ARSJ: variants seen among roughly 807,000 people sequenced by gnomAD.
ARSJ encodes the protein arylsulfatase family member J, also known as arylsulfatase J.
A neutral mutation model predicts 35.9 loss-of-function variants in ARSJ; 26 were observed. The ratio of observed to expected loss-of-function variants is 0.72; its 90% CI spans 0.53 to 1.00. The LOEUF is 1.00. Ranked by LOEUF, ARSJ falls within the 50% of genes least tolerant of loss-of-function variation. ARSJ has a pLI of 0.00. For synonymous variants in ARSJ, 294 were observed against 267.6 expected (o/e 1.10, Z -0.96); for missense variants, 667 against 723.6 (o/e 0.92, Z 0.90).
rs2099667263 is a variant in ARSJ at position 113,902,098 on chromosome 4, G to A, written c.*176C>T. The A allele has an allele frequency of 6.3e-7, 1 of 1,578,916 alleles. No individual in the cohort carries two copies. Among genetic ancestry groups the A allele is most frequent in the Non-Finnish European group, 8.6e-7 (1 of 1,169,080 alleles). On this transcript the variant is annotated 3_prime_UTR_variant, in exon 2 of 2. Coordinates refer to ENST00000315366, the MANE Select transcript of ARSJ (RefSeq NM_024590.4). The stretch of plus-strand genomic sequence containing the variant: ...TGCAAGAGTAGCACCTTGGCACTGA[G>A]CAGGACAGTTTTCAGTGTGGCGGCC...
chr4:113,928,561 C>T (rs1009732198), intron 1 of ARSJ, among the ~76,000 whole-genome samples: 3 of 152,184 alleles, frequency 2.0e-5, no homozygotes, highest in African/African-American at 7.2e-5. Context: ...TAGAGGTCTA[C>T]ATGAGTCAGG....
chr4:113,933,943 G>C (rs939890629), intron 1 of ARSJ, among the ~76,000 whole-genome samples: 2 of 151,774 alleles, frequency 1.3e-5, no homozygotes, highest in Admixed American at 6.6e-5. Context: ...CAAAAAAGAA[G>C]TCAAGTTCAC....
chr4:113,963,766 T>G (rs1158749950), intron 1 of ARSJ, among the ~76,000 whole-genome samples: 1 of 152,102 alleles, frequency 6.6e-6, no homozygotes, highest in Non-Finnish European at 1.5e-5. Context: ...TAATGAATGA[T>G]TAGCTGGTAG....
At chr4:113,910,862 G>A (rs1488085703) in intron 1 of ARSJ, among the ~76,000 whole-genome samples, 4 of 152,100 alleles carry the variant, frequency 2.6e-5, no homozygotes, top group South Asian at 2.1e-4. Context: ...AGCCATTAGA[G>A]GATTATTATG....
intron 1 of ARSJ, among the ~76,000 whole-genome samples, chr4:113,917,402 A>G (rs1358986562): frequency 2.0e-5 from 3 of 152,224 alleles, no homozygotes; most frequent in Admixed American, 6.5e-5. Flanking sequence ...GATACAAGAC[A>G]CAGATTCTGA....
At chr4:113,978,376 G>C in intron 1 of ARSJ, 61 bp downstream of exon 1, 1 of 1,451,020 alleles carries the variant, frequency 6.9e-7, no homozygotes, top group Non-Finnish European at 9.3e-7. Context: ...TTTGGAGCTG[G>C]ATCTTCATTA....
At chr4:113,914,166 G>T (rs1723127517) in intron 1 of ARSJ, among the ~76,000 whole-genome samples, 1 of 151,914 alleles carries the variant, frequency 6.6e-6, no homozygotes. Context: ...TACAGACCGG[G>T]TTTCACTATG....
chr4:113,919,504 G>A (rs1245383675), intron 1 of ARSJ, among the ~76,000 whole-genome samples: 1 of 152,174 alleles, frequency 6.6e-6, no homozygotes, highest in Non-Finnish European at 1.5e-5. Flanking sequence ...AACTGTTATT[G>A]TTGATATTGT....
At chr4:113,916,628 A>G (rs1723321479) in intron 1 of ARSJ, among the ~76,000 whole-genome samples, 1 of 152,148 alleles carries the variant, frequency 6.6e-6, no homozygotes, top group South Asian at 2.1e-4. Context: ...AAACCAAAGC[A>G]AAACATGATA....
chr4:113,978,198 GA>G (rs1359590183), intron 1 of ARSJ, among the ~76,000 whole-genome samples: 1 of 152,172 alleles, frequency 6.6e-6, no homozygotes, highest in Non-Finnish European at 1.5e-5. Context: ...ATCTCATTTA[GA>G]AACTTATAAT....
Position 113,972,324 on chromosome 4 carries a change from C to CT in ARSJ, c.398+6112_398+6113insA, listed in dbSNP as rs370990940. 0.012 allele frequency among the ~76,000 whole-genome samples: 1,735 copies of CT among 142,756 alleles called. 121 individuals are homozygous for CT. In the East Asian group the frequency reaches 0.15, roughly 13 times the overall value. 93.7% of individuals were successfully genotyped at this position (142,756 alleles called of 152,430 possible). A position where few individuals can be genotyped will look rare whatever the true frequency, so the allele number is the denominator to read the frequency against. On this transcript the variant is annotated intron_variant, in intron 1 of 1. Coordinates refer to ENST00000315366, the MANE Select transcript of ARSJ (RefSeq NM_024590.4). ...AAAAAAAACAAAAAAAAAAACCCCA[C>CT]CATGATTTTCATCCCTATTTATTTA...
chr4:113,940,409 T>C (rs2149269267), intron 1 of ARSJ, among the ~76,000 whole-genome samples: 1 of 152,256 alleles, frequency 6.6e-6, no homozygotes, highest in East Asian at 1.9e-4. Context: ...AAACAGTGCA[T>C]GTTCTCACTT....
intron 1 of ARSJ, among the ~76,000 whole-genome samples, chr4:113,914,253 T>C (rs1199441919): frequency 6.6e-6 from 1 of 152,144 alleles, no homozygotes; most frequent in Non-Finnish European, 1.5e-5. Flanking sequence ...ATTACATGTG[T>C]GAGCCACCAC....
Position 113,903,415 on chromosome 4 carries a change from T to A in ARSJ, c.659A>T (p.Tyr220Phe), listed in dbSNP as rs748570626. ...YKCDSPGMCGYDLYENDNAAW... is the reference protein window; with the variant it reads ...YKCDSPGMCGFDLYENDNAAW... The stretch of plus-strand genomic sequence containing the variant: ...AGCATTGTCGTTTTCATACAAGTCA[T>A]AGCCACACATCCCAGGACTGTCACA... The change falls in exon 2 of 2, where the codon TAT becomes TTT. Residue 220 changes from tyrosine (Y) to phenylalanine (F), a missense_variant. By Grantham distance (22) the Tyr-to-Phe change is conservative (BLOSUM62 3). Coordinates refer to ENST00000315366, the MANE Select transcript of ARSJ (RefSeq NM_024590.4). 4 of 1,614,162 alleles carry A rather than the reference T, an allele frequency of 2.5e-6. No homozygotes were observed. In the Admixed American group the frequency reaches 6.7e-5, roughly 27 times the overall value.
intron 1 of ARSJ, among the ~76,000 whole-genome samples, chr4:113,957,000 T>C (rs1261162121): frequency 1.3e-5 from 2 of 152,068 alleles, no homozygotes; most frequent in African/African-American, 2.4e-5. Context: ...CAGTATTTTA[T>C]AGGCTGTTGC....
intron 1 of ARSJ, among the ~76,000 whole-genome samples, chr4:113,907,726 G>A (rs748887141): frequency 7.2e-5 from 11 of 152,026 alleles, no homozygotes; most frequent in Admixed American, 4.6e-4. Flanking sequence ...AGAAAATGTG[G>A]TACGTATAAC....
At chr4:113,910,427 G>A (rs774554988) in intron 1 of ARSJ, among the ~76,000 whole-genome samples, 8 of 152,078 alleles carry the variant, frequency 5.3e-5, no homozygotes, top group Non-Finnish European at 1.0e-4. Flanking sequence ...AATGGTTAGC[G>A]AGTAAAAAAT....
intron 1 of ARSJ, among the ~76,000 whole-genome samples, chr4:113,975,066 CT>C (rs369377536): frequency 3.4e-4 from 52 of 152,180 alleles, no homozygotes; most frequent in African/African-American, 1.3e-3. Flanking sequence ...GAAGAGTACC[CT>C]CTCTGTAATT....
intron 1 of ARSJ, among the ~76,000 whole-genome samples, chr4:113,931,527 T>A (rs2149264513): frequency 6.6e-6 from 1 of 152,260 alleles, no homozygotes; most frequent in Non-Finnish European, 1.5e-5. Flanking sequence ...CCTCATTTTA[T>A]GTTACTAGTA....
Sources: allele counts gnomAD v4.1 joint callset (sites outside exome capture counted in the v4.1 genomes callset), GRCh38; gene constraint gnomAD v4.1.1; transcripts MANE v1.5; gene names NCBI Gene and HGNC (gene_info 2026-07-23, HGNC 2026-07-21).